The following ACSL1 variants were observed in gnomAD, a reference collection of about 807,000 sequenced individuals.
ACSL1 encodes the protein long-chain-fatty-acid--CoA ligase 1.
Under a neutral mutation model 98.4 loss-of-function variants are expected in ACSL1, and 41 were observed. The observed-to-expected ratio is 0.42, with a 90% confidence interval of 0.32 to 0.54. The LOEUF is 0.54. Among genes scored for constraint, ACSL1 ranks in the 20% least tolerant of loss-of-function variants. ACSL1 has a pLI of 0.13. For synonymous variants in ACSL1, 316 were observed against 322.7 expected (o/e 0.98, Z 0.22); for missense variants, 734 against 883.1 (o/e 0.83, Z 2.14).
At chr4:184,772,133 T>C (rs1764604863) in intron 10 of ACSL1, among the ~76,000 whole-genome samples, 1 of 152,364 alleles carries the variant, frequency 6.6e-6, no homozygotes. Flanking sequence ...GAGCCACCAA[T>C]GCATTTTAAG....
rs900619270 is a variant in ACSL1 at position 184,803,826 on chromosome 4, G to T, written c.-32-280C>A. On this transcript the variant is annotated intron_variant, in intron 1 of 20. Transcript: ENST00000281455. This position sits in a 1 kb window ranked among gnomAD's most constrained non-coding sequence, Gnocchi z 4.8. ...ATATTAAAAAGATTTTACTCAAGAA[G>T]AATTCTTCCCATAAAAACTCAAATA... Among the ~76,000 whole-genome samples the T allele has an allele frequency of 6.6e-6, 1 of 152,106 alleles. No homozygotes were observed. Among genetic ancestry groups the T allele is most frequent in the Non-Finnish European group, 1.5e-5 (1 of 68,022 alleles).
At chr4:184,760,521 G>C (rs1762715403) in intron 17 of ACSL1, 21 bp from the exon 18 acceptor site, 1 of 1,612,926 alleles carries the variant, frequency 6.2e-7, no homozygotes, top group Non-Finnish European at 8.5e-7. Flanking sequence ...GAGGGGAGGG[G>C]GTTATGAATG....
intron 1 of ACSL1, among the ~76,000 whole-genome samples, chr4:184,811,330 T>C (rs564507822): frequency 2.6e-5 from 4 of 152,078 alleles, no homozygotes; most frequent in South Asian, 4.2e-4. Context: ...GCCAGGATGG[T>C]CTCGATCTCC....
At chr4:184,794,326 G>A (rs1416564966) in intron 2 of ACSL1, among the ~76,000 whole-genome samples, 1 of 151,974 alleles carries the variant, frequency 6.6e-6, no homozygotes, top group Non-Finnish European at 1.5e-5. Context: ...CAGCCCCTGG[G>A]CAACTCCCCC....
intron 2 of ACSL1, among the ~76,000 whole-genome samples, chr4:184,794,198 T>C (rs1768926093): frequency 6.7e-6 from 1 of 148,264 alleles, no homozygotes; most frequent in Non-Finnish European, 1.5e-5. Flanking sequence ...GTGCTTCTTT[T>C]TGTAAAGACA....
intron 1 of ACSL1, among the ~76,000 whole-genome samples, chr4:184,809,822 A>G (rs1459148047): frequency 6.6e-6 from 1 of 152,098 alleles, no homozygotes; most frequent in Non-Finnish European, 1.5e-5. Flanking sequence ...AAATAAACAA[A>G]TAAACCACAT....
At chr4:184,788,535 G>A (rs561588218) in intron 3 of ACSL1, 82 bp downstream of exon 3, 32 of 1,117,040 alleles carry the variant, frequency 2.9e-5, no homozygotes. Context: ...AAAGATAGGA[G>A]CAAATGTGCA....
At chr4:184,789,112 A>G (rs2150380792) in intron 2 of ACSL1, among the ~76,000 whole-genome samples, 1 of 152,372 alleles carries the variant, frequency 6.6e-6, no homozygotes, top group Non-Finnish European at 1.5e-5. Flanking sequence ...ACAGCTGCCC[A>G]GTGAGTGAGT....
intron 16 of ACSL1, 146 bp from the exon 17 acceptor site, chr4:184,762,669 C>G (rs1456807315): frequency 1.4e-6 from 1 of 702,392 alleles, no homozygotes; most frequent in Non-Finnish European, 2.5e-6. Context: ...TACCAGAGCC[C>G]CACCAGGGTC....
chr4:184,784,059 C>A (rs1459016872), intron 3 of ACSL1, 68 bp from the exon 4 acceptor site: 3 of 1,279,216 alleles, frequency 2.3e-6, no homozygotes, highest in Non-Finnish European at 1.1e-6. Context: ...TAATTTGTAT[C>A]CCAACCGCAC....
At chr4:184,794,559 G>GAA (rs1290641131) in intron 2 of ACSL1, among the ~76,000 whole-genome samples, 2 of 152,126 alleles carry the variant, frequency 1.3e-5, no homozygotes, top group Non-Finnish European at 2.9e-5. Flanking sequence ...GGAGGTGAGT[G>GAA]AATGTGTATG....
intron 1 of ACSL1, chr4:184,820,920 C>G: frequency 2.4e-6 from 1 of 420,366 alleles, no homozygotes; most frequent in Non-Finnish European, 4.8e-6. Context: ...GTGAGAACTT[C>G]TAGCTCTGGA....
At chr4:184,767,746 A>G (rs531841230) in intron 12 of ACSL1, among the ~76,000 whole-genome samples, 60 of 152,314 alleles carry the variant, frequency 3.9e-4, no homozygotes, top group African/African-American at 1.4e-3. Context: ...AGAGTAAGTG[A>G]ACACTCTTTC....
In ACSL1 at chr4:184,768,300, G is replaced by A. The variant is rs370003323; in HGVS notation, c.1128+16C>T. On this transcript the variant is annotated intron_variant, in intron 12 of 20. Coordinates refer to ENST00000281455, the MANE Select transcript of ACSL1 (RefSeq NM_001995.5). ...AGTCAGTGCTCAGTCCTGGGACTTCGCTGCTTGGAACTTACTCGGTCAAAC... is the reference window on the plus strand; with the variant it reads ...AGTCAGTGCTCAGTCCTGGGACTTCACTGCTTGGAACTTACTCGGTCAAAC... 1.8e-4 allele frequency: 283 copies of A among 1,607,596 alleles called. 1 individual carries two copies. In the Middle Eastern group the frequency reaches 4.7e-3, roughly 26 times the overall value.
At chr4:184,774,111 C>T (rs1764916822) in intron 7 of ACSL1, among the ~76,000 whole-genome samples, 1 of 152,112 alleles carries the variant, frequency 6.6e-6, no homozygotes, top group South Asian at 2.1e-4. Context: ...CATAAAACTA[C>T]ATAAACGGTA....
In ACSL1 at chr4:184,779,369, G is replaced by A. The variant is rs566437685; in HGVS notation, c.477+963C>T. On this transcript the variant is annotated intron_variant, in intron 5 of 20. Transcript: ENST00000281455. ...ATGTAAGAAGTGCCTTTCACCTCCT[G>A]CCATGATTCTGAGGCCCCCCCAGCC... 2.7e-4 allele frequency among the ~76,000 whole-genome samples: 41 copies of A among 152,280 alleles called. No individual in the cohort carries two copies. The East Asian group carries it at 7.7e-3, about 29-fold the overall frequency.
rs113066089 is a variant in ACSL1 at position 184,773,442 on chromosome 4, G to C, written c.841+221C>G. ...CGATATAGTCTGTCCTAGGAAGACA[G>C]GTGAATCTAATATCACCCTCAATAA... On this transcript the variant is annotated intron_variant, in intron 9 of 20. Coordinates refer to ENST00000281455, the MANE Select transcript of ACSL1 (RefSeq NM_001995.5). The surrounding 1 kb of genome is among the most constrained non-coding windows in gnomAD (Gnocchi z 4.3). Among the ~76,000 whole-genome samples the C allele has an allele frequency of 6.6e-6, 1 of 152,178 alleles. No individual in the cohort carries two copies. Among genetic ancestry groups the C allele is most frequent in the African/African-American group, 2.4e-5 (1 of 41,436 alleles).
At chr4:184,792,187 TA>T (rs1263528447) in intron 2 of ACSL1, among the ~76,000 whole-genome samples, 2 of 152,196 alleles carry the variant, frequency 1.3e-5, no homozygotes, top group East Asian at 3.8e-4. Flanking sequence ...AGATATTTAT[TA>T]TTACCCTAAT....
intron 18 of ACSL1, chr4:184,758,288 C>T (rs77797808): frequency 3.9e-5 from 8 of 206,678 alleles, no homozygotes; most frequent in Non-Finnish European, 7.9e-5. Context: ...AAAAGGAAGC[C>T]TGTCTCATGC....
Sources: allele counts gnomAD v4.1 joint callset (sites outside exome capture counted in the v4.1 genomes callset), GRCh38; gene constraint gnomAD v4.1.1; non-coding constraint Gnocchi (gnomAD v3.1); transcripts MANE v1.5; gene names NCBI Gene and HGNC (gene_info 2026-07-23, HGNC 2026-07-21).